Variants in SSR4 observed in about 807,000 individuals in gnomAD.
SSR4 encodes signal sequence receptor subunit 4.
For missense variants in SSR4, 125 were observed against 148.8 expected (o/e 0.84, Z 0.83); for synonymous variants, 84 against 65.6 (o/e 1.28, Z -1.35).
intron 2 of SSR4, chrX:153,796,905 G>A (rs782786865): frequency 4.7e-6 from 1 of 214,247 alleles, no homozygotes. Flanking sequence ...TTTTGAGATA[G>A]GGTCTCACTC....
At chrX:153,794,375 C>G, upstream of SSR4, 2 of 1,163,115 alleles carry the variant, frequency 1.7e-6, no homozygotes, top group South Asian at 1.9e-5. Context: ...ATACCGCTCT[C>G]GCGAGAGTTC....
At chrX:153,795,245 C>A (rs1346812813) in intron 1 of SSR4, 1 of 121,157 alleles carries the variant, frequency 8.3e-6, no homozygotes, top group African/African-American at 3.2e-5. Flanking sequence ...CCCTGCCTTA[C>A]CCTTACCAGA....
At chrX:153,797,117 G>A (rs1557072748) in intron 2 of SSR4, 1 of 274,272 alleles carries the variant, frequency 3.6e-6, no homozygotes, top group Non-Finnish European at 6.5e-6. Flanking sequence ...GCACCCCTTG[G>A]GCAGCCCACT....
upstream of SSR4, chrX:153,794,636 C>T (rs1477288724): frequency 7.4e-6 from 9 of 1,209,615 alleles, no homozygotes; most frequent in Admixed American, 2.2e-5. Context: ...CCTCGTTTGC[C>T]CCTCGTGTTC....
intron 1 of SSR4, chrX:153,794,978 A>G (rs184703962): frequency 5.5e-5 from 24 of 435,887 alleles, no homozygotes; most frequent in Admixed American, 8.4e-5. Flanking sequence ...GGAGTCCCCG[A>G]GCCTCCATGG....
In SSR4 at chrX:153,798,035, C is replaced by T. The variant is rs781876501; in HGVS notation, c.352-36C>T. 6.8e-6 allele frequency: 8 copies of T among 1,176,393 alleles called. No homozygotes were observed. In the Admixed American group the frequency reaches 8.7e-5, roughly 13 times the overall value. On this transcript the variant is annotated intron_variant, in intron 4 of 5. Coordinates refer to ENST00000370086, the MANE Select transcript of SSR4 (RefSeq NM_006280.3). ...TCCCCACCCCCACACGCCAGGCACC[C>T]CTGACCCCAGCACCTCCCTTGCACC...
chrX:153,796,789 G>C (rs1557072657), intron 2 of SSR4: 2 of 379,282 alleles, frequency 5.3e-6, no homozygotes. Flanking sequence ...TTTCCTGAAT[G>C]AGTATCTGGA....
rs782771415 is a variant in SSR4, at chrX:153,798,318, CT to C, written c.418-4del. 8.3e-7 allele frequency: 1 copy of C among 1,206,441 alleles called. No homozygotes were observed. On this transcript the variant is annotated splice_polypyrimidine_tract_variant and intron_variant, in intron 5 of 5. Transcript: ENST00000370086. ...CTCCCCTGAGCTGGCTTGTGATCTC[CT>C]TTTTTTCAGGGCACTTGGAACGGGC...
At position 153,795,264 on chromosome X, in the gene SSR4, C is replaced by T. The variant is rs1012580774; in HGVS notation, c.67+510C>T. ...GCCTTACCCTTACCAGAGTTTTCGGCAGAGCCGACCAGGGGTCCCGTCGAT... is the reference window on the plus strand; with the variant it reads ...GCCTTACCCTTACCAGAGTTTTCGGTAGAGCCGACCAGGGGTCCCGTCGAT... On this transcript the variant is annotated intron_variant, in intron 1 of 5. Transcript: ENST00000370086. 22 of 116,731 alleles carry T rather than the reference C, an allele frequency of 1.9e-4. No homozygotes were observed. The Admixed American group carries it at 1.9e-3, about 10-fold the overall frequency. The allele number at this position is 116,731 out of a possible 1,213,427, so 9.6% of individuals were successfully genotyped here. A position where few individuals can be genotyped will look rare whatever the true frequency, so the allele number is the denominator to read the frequency against.
At position 153,796,891 on chromosome X, in the gene SSR4, G is replaced by GT; in HGVS notation, c.186+346dup. On this transcript the variant is annotated intron_variant, in intron 2 of 5. Coordinates refer to ENST00000370086, the MANE Select transcript of SSR4 (RefSeq NM_006280.3). ...TTGTTTTTGTTTTTGTTTTTTGTTT[G>GT]TTTTTTTGAGATAGGGTCTCACTCT... is the stretch of plus-strand genomic sequence containing the variant. 3 of 228,801 alleles carry GT rather than the reference G, an allele frequency of 1.3e-5. No individual in the cohort carries two copies. The East Asian group carries it at 2.8e-4, about 21-fold the overall frequency. The allele number at this position is 228,801 out of a possible 1,213,427, so 18.9% of individuals were successfully genotyped here.
chrX:153,794,936 G>C, intron 1 of SSR4, 182 bp downstream of exon 1: 1 of 525,994 alleles, frequency 1.9e-6, no homozygotes, highest in Non-Finnish European at 3.0e-6. Flanking sequence ...TTTACCGGCA[G>C]CCAGGCTTTT....
upstream of SSR4, chrX:153,794,268 G>A: frequency 2.5e-6 from 3 of 1,200,460 alleles, no homozygotes; most frequent in Non-Finnish European, 3.4e-6. Context: ...GCAGAGAAGG[G>A]CTGGCCCGAG....
chrX:153,795,584 G>A, intron 1 of SSR4: 1 of 678,740 alleles, frequency 1.5e-6, no homozygotes, highest in Non-Finnish European at 1.8e-6. Context: ...TGCGCCACAG[G>A]AAGCAGGCCC....
At chrX:153,796,831 C>T (rs782780238) in intron 2 of SSR4, 24 of 322,050 alleles carry the variant, frequency 7.5e-5, no homozygotes, top group South Asian at 6.1e-4. Flanking sequence ...CAGCCCACCC[C>T]GGTTGCCATT....
chrX:153,797,938 GTC>G (rs1170990673), intron 4 of SSR4, 124 bp downstream of exon 4: 1 of 878,162 alleles, frequency 1.1e-6, no homozygotes, highest in African/African-American at 2.0e-5. Flanking sequence ...CTTCCTCAGT[GTC>G]TCTTGCCCAT....
chrX:153,796,547 G>A lies in SSR4; in HGVS notation c.181G>A (p.Val61Ile), dbSNP rs2092142656. Residue 61 changes from valine (V) to isoleucine (I), a missense_variant, in exon 2 of 6, where the codon GTC becomes ATC. Coordinates refer to ENST00000370086, the MANE Select transcript of SSR4 (RefSeq NM_006280.3). ...VEISLTCKNR[V>I]QNMALYADVG... ...GATCTCCCTGACATGCAAGAACAGGGTCCAGGTGAGACAGTGGGGTTTCAG... is the reference window on the plus strand; with the variant it reads ...GATCTCCCTGACATGCAAGAACAGGATCCAGGTGAGACAGTGGGGTTTCAG... 1 of 1,189,993 alleles carries A rather than the reference G, an allele frequency of 8.4e-7. No individual in the cohort carries two copies. Among genetic ancestry groups the A allele is most frequent in the Non-Finnish European group, 1.1e-6 (1 of 877,902 alleles).
intron 1 of SSR4, chrX:153,795,077 G>T (rs2092131407): frequency 7.0e-6 from 2 of 285,280 alleles, no homozygotes; most frequent in Non-Finnish European, 1.2e-5. Context: ...AAGCTCTGTA[G>T]CGCTGAGCGA....
chrX:153,795,914 G>A (rs1238494612), intron 1 of SSR4: 12 of 699,808 alleles, frequency 1.7e-5, no homozygotes, highest in Admixed American at 8.4e-5. Flanking sequence ...AGTCTCTCCC[G>A]TTTACTTCTT....
At chrX:153,795,950 CCTT>C in intron 1 of SSR4, 1 of 570,388 alleles carries the variant, frequency 1.8e-6, no homozygotes, top group African/African-American at 2.5e-5. Context: ...CCAGTCTTCA[CCTT>C]CTGTCAACTG....
Sources: gnomAD v4.1 joint callset for allele counts on GRCh38, gnomAD v4.1.1 for gene constraint, MANE v1.5 for transcripts, NCBI Gene and HGNC (gene_info 2026-07-23, HGNC 2026-07-21) for gene names.